The following CCDC191 variants were observed in gnomAD, a reference collection of about 807,000 sequenced individuals.
The protein encoded by CCDC191 is coiled-coil domain-containing protein 191.
CCDC191 carries 99 observed loss-of-function variants against 114.0 expected under a neutral mutation model. That is an observed-to-expected ratio of 0.87 (90% CI 0.74 to 1.03). The LOEUF is 1.03. Ranked by LOEUF, CCDC191 falls within the 50% of genes least tolerant of loss-of-function variation. The pLI is 0.00. For synonymous variants in CCDC191, 351 were observed against 376.0 expected, an observed-to-expected ratio of 0.93 and a Z score of 0.77; for missense variants, 973 against 1,087.0, an observed-to-expected ratio of 0.90 and a Z score of 1.47.
chr3:114,036,864 A>G (rs2076492616), intron 4 of CCDC191, 78 bp from the exon 5 acceptor site: 1 of 944,310 alleles, frequency 1.1e-6, no homozygotes, highest in Non-Finnish European at 1.5e-6. Context: ...TTACATAAAG[A>G]ATCCTAGTAC....
chr3:114,042,763 CAG>C lies in CCDC191; in HGVS notation c.353_354del (p.Thr118SerfsTer17), dbSNP rs765328498. ...ASEEEGDAKN[T>X]VSSVTIMPEA... ...TCCGGCATAATAGTGACACTTGACACAGTGTTTTTAGCATCACCTTCTTCCTC... is the reference window on the plus strand; with the variant it reads ...TCCGGCATAATAGTGACACTTGACACTGTTTTTAGCATCACCTTCTTCCTC... On this transcript the variant is annotated frameshift_variant, in exon 4 of 17. Transcript: ENST00000295878. LOFTEE classifies it high-confidence loss of function. 9.4e-6 allele frequency: 15 copies of C among 1,599,938 alleles called. No homozygotes were observed. In the African/African-American group the frequency reaches 1.9e-4, roughly 20 times the overall value.
At chr3:113,970,983 T>C (rs911547384) in intron 16 of CCDC191, among the ~76,000 whole-genome samples, 1 of 152,178 alleles carries the variant, frequency 6.6e-6, no homozygotes, top group Non-Finnish European at 1.5e-5. Context: ...GACATTTGGG[T>C]TGGTTCCAAG....
At chr3:113,982,696 T>G (rs2075201098) in intron 13 of CCDC191, among the ~76,000 whole-genome samples, 1 of 152,050 alleles carries the variant, frequency 6.6e-6, no homozygotes, top group African/African-American at 2.4e-5. Context: ...TTCTGTCCCT[T>G]GTACGCTACT....
intron 16 of CCDC191, among the ~76,000 whole-genome samples, chr3:113,976,650 A>G (rs1941374487): frequency 6.6e-6 from 1 of 152,162 alleles, no homozygotes; most frequent in Non-Finnish European, 1.5e-5. Context: ...TAAAAAAAAA[A>G]AAAAGGTTAG....
chr3:113,986,495 A>AAACC (rs1478800341), intron 13 of CCDC191, among the ~76,000 whole-genome samples: 4 of 152,204 alleles, frequency 2.6e-5, no homozygotes, highest in African/African-American at 9.6e-5. Context: ...AGCCAAGACC[A>AAACC]AACCAACCAA....
chr3:113,966,129 C>T (rs1392523063), intron 16 of CCDC191, among the ~76,000 whole-genome samples: 1 of 152,156 alleles, frequency 6.6e-6, no homozygotes, highest in Non-Finnish European at 1.5e-5. Context: ...AAGTTACAGG[C>T]ATTGAGGCCT....
intron 12 of CCDC191, 161 bp from the exon 13 acceptor site, chr3:114,001,857 C>A: frequency 1.3e-6 from 1 of 786,602 alleles, no homozygotes; most frequent in Non-Finnish European, 2.0e-6. Context: ...AACCTGTCAT[C>A]AGTTACGTAA....
At chr3:114,033,047 T>C (rs1265274018) in intron 6 of CCDC191, among the ~76,000 whole-genome samples, 2 of 152,042 alleles carry the variant, frequency 1.3e-5, no homozygotes, top group African/African-American at 4.8e-5. Flanking sequence ...TATATGCTCA[T>C]TGTGAAAAAC....
intron 6 of CCDC191, among the ~76,000 whole-genome samples, chr3:114,032,366 C>T (rs904425256): frequency 3.9e-5 from 6 of 152,192 alleles, no homozygotes; most frequent in African/African-American, 1.4e-4. Context: ...TTCTGAGCAT[C>T]CTCTTTTTTG....
intron 16 of CCDC191, among the ~76,000 whole-genome samples, chr3:113,968,225 G>A (rs1029428338): frequency 2.6e-5 from 4 of 152,086 alleles, no homozygotes; most frequent in Non-Finnish European, 5.9e-5. Context: ...TCTCTATAAT[G>A]GCTGTACTAA....
intron 13 of CCDC191, among the ~76,000 whole-genome samples, chr3:113,995,852 T>C (rs1326453530): frequency 1.3e-5 from 2 of 152,272 alleles, no homozygotes; most frequent in Non-Finnish European, 2.9e-5. Context: ...ATTGTGGTTT[T>C]GATTTGCATT....
chr3:113,978,476 CAAGA>C, intron 15 of CCDC191, 145 bp from the exon 16 acceptor site: 1 of 788,890 alleles, frequency 1.3e-6, no homozygotes, highest in Non-Finnish European at 2.0e-6. Flanking sequence ...ACCTGGAAGC[CAAGA>C]AAATATCCTC....
intron 16 of CCDC191, 155 bp from the exon 17 acceptor site, chr3:113,965,514 G>A (rs1940035404): frequency 1.4e-5 from 6 of 417,838 alleles, no homozygotes; most frequent in East Asian, 1.1e-4. Context: ...AGTGTGAAAT[G>A]CTGTGAAAAA....
rs1284158152 is a variant in CCDC191 at position 114,035,009 on chromosome 3, TCTTTCTTGGCCTCCAGAGCCTTC to T, written c.711_733del (p.Lys238GlyfsTer17). The T allele has an allele frequency of 6.2e-7, 1 of 1,614,144 alleles. No homozygotes were observed. The highest frequency in any genetic ancestry group is 1.7e-5 in the Admixed American group (1 of 60,016). On this transcript the variant is annotated frameshift_variant, in exon 6 of 17. Coordinates refer to ENST00000295878, the MANE Select transcript of CCDC191 (RefSeq NM_020817.2). LOFTEE classifies it high-confidence loss of function. ...CATCTCCCTTTGAATCTCCTCTTCCTCTTTCTTGGCCTCCAGAGCCTTCCTTTTCTTCTCTTCTTGCACCAGAC... is the reference window on the plus strand; with the variant it reads ...CATCTCCCTTTGAATCTCCTCTTCCTCTTTTCTTCTCTTCTTGCACCAGAC...
intron 8 of CCDC191, among the ~76,000 whole-genome samples, chr3:114,017,114 T>C (rs947072581): frequency 1.4e-4 from 21 of 151,944 alleles, no homozygotes; most frequent in African/African-American, 4.6e-4. Context: ...TTTTTTTTTT[T>C]TTTTTTTAAC....
chr3:114,014,881 A>T (rs1307713045), intron 8 of CCDC191, among the ~76,000 whole-genome samples: 2 of 152,062 alleles, frequency 1.3e-5, no homozygotes, highest in East Asian at 3.8e-4. Context: ...CCATTTAGAT[A>T]AAAAACTCCT....
chr3:114,031,922 G>T, intron 6 of CCDC191, 143 bp from the exon 7 acceptor site: 1 of 523,404 alleles, frequency 1.9e-6, no homozygotes, highest in Non-Finnish European at 3.3e-6. Context: ...TACATAGTAG[G>T]GTAATTTTTT....
chr3:114,007,971 G>A (rs1406969574), intron 9 of CCDC191, among the ~76,000 whole-genome samples: 1 of 149,656 alleles, frequency 6.7e-6, no homozygotes, highest in Non-Finnish European at 1.5e-5. Flanking sequence ...TCTTGATAAA[G>A]TCTTTTGTTC....
intron 7 of CCDC191, among the ~76,000 whole-genome samples, chr3:114,026,703 TC>T (rs2076325939): frequency 6.6e-6 from 1 of 152,234 alleles, no homozygotes; most frequent in African/African-American, 2.4e-5. Flanking sequence ...AGGCTTCTTT[TC>T]CATATATAGT....
Sources: allele counts gnomAD v4.1 joint callset (sites outside exome capture counted in the v4.1 genomes callset), GRCh38; gene constraint gnomAD v4.1.1; transcripts MANE v1.5; gene names NCBI Gene and HGNC (gene_info 2026-07-23, HGNC 2026-07-21).